DENND5A: variants seen among roughly 807,000 people sequenced by gnomAD.
The protein encoded by DENND5A is DENN domain containing 5A.
Under a neutral mutation model 140.3 loss-of-function variants are expected in DENND5A, and 64 were observed. The ratio of observed to expected loss-of-function variants is 0.46; its 90% CI spans 0.37 to 0.56. The LOEUF is 0.56. Among genes scored for constraint, DENND5A ranks in the 20% least tolerant of loss-of-function variants. DENND5A has a pLI of 0.00. For synonymous variants in DENND5A, 605 were observed against 607.7 expected (o/e 1.00, Z 0.07); for missense variants, 1,292 against 1,593.8 (o/e 0.81, Z 3.22).
chr11:9,207,693 A>G (rs1335121370), intron 1 of DENND5A, 61 bp from the exon 2 acceptor site: 2 of 1,184,050 alleles, frequency 1.7e-6, no homozygotes, highest in Non-Finnish European at 2.5e-6. Flanking sequence ...AACTTTTTTG[A>G]CCATTATTCC....
At chr11:9,260,072 G>C (rs1442038752) in intron 1 of DENND5A, among the ~76,000 whole-genome samples, 1 of 148,958 alleles carries the variant, frequency 6.7e-6, no homozygotes, top group South Asian at 2.1e-4. Context: ...TTTCAGTGTA[G>C]TCTCAATTTT....
chr11:9,145,691 A>G lies in DENND5A; in HGVS notation c.2982T>C (p.Asn994=), dbSNP rs1828876450. The G allele has an allele frequency of 8.1e-6, 13 of 1,614,092 alleles. No individual in the cohort carries two copies. Among genetic ancestry groups the G allele is most frequent in the Admixed American group, 1.7e-5 (1 of 60,006 alleles). ...GETQIMQIPR[N]VLEMTFECQN... ...ATACCTCGAAGGTCATCTCTAGCAC[A>G]TTCCTGGGAATCTGCATGATCTGTG... Residue 994 remains asparagine, a synonymous_variant, in exon 17 of 23, where the codon AAT becomes AAC. Transcript: ENST00000328194.
At chr11:9,189,675 T>C (rs1849045282) in intron 5 of DENND5A, among the ~76,000 whole-genome samples, 1 of 151,984 alleles carries the variant, frequency 6.6e-6, no homozygotes, top group Non-Finnish European at 1.5e-5. Flanking sequence ...AGTTTCACTA[T>C]TGTTGCCCAG....
At chr11:9,259,260 C>CA (rs2136304763) in intron 1 of DENND5A, among the ~76,000 whole-genome samples, 1 of 151,252 alleles carries the variant, frequency 6.6e-6, no homozygotes, top group South Asian at 2.1e-4. Context: ...AACTCCATCT[C>CA]AAAAAAATAA....
chr11:9,175,286 A>G (rs553074474), intron 8 of DENND5A: 1 of 152,322 alleles, frequency 6.6e-6, no homozygotes, highest in African/African-American at 2.4e-5. Flanking sequence ...CTTAGGGAAA[A>G]ATCTGATAAG....
chr11:9,160,685 C>T, intron 12 of DENND5A, 28 bp downstream of exon 12: 1 of 1,585,488 alleles, frequency 6.3e-7, no homozygotes, highest in South Asian at 1.1e-5. Flanking sequence ...ACAATTTGCT[C>T]AGCAATGAGA....
At chr11:9,150,337 T>G in intron 14 of DENND5A, 128 bp from the exon 15 acceptor site, 18 of 1,171,550 alleles carry the variant, frequency 1.5e-5, no homozygotes, top group Middle Eastern at 2.2e-4. Context: ...AGCCTATCTC[T>G]ATATTCTCCA....
intron 8 of DENND5A, 161 bp from the exon 9 acceptor site, chr11:9,170,938 CA>C (rs1424440438): frequency 1.1e-5 from 14 of 1,236,160 alleles, no homozygotes; most frequent in Non-Finnish European, 1.5e-5. Flanking sequence ...AAAACCCATG[CA>C]AAATAATATA....
chr11:9,150,653 G>C (rs370240733), intron 14 of DENND5A, 27 bp downstream of exon 14: 5 of 1,545,904 alleles, frequency 3.2e-6, no homozygotes, highest in Non-Finnish European at 4.4e-6. Context: ...GATTTTAGTG[G>C]CTTATTACAT....
At chr11:9,211,166 T>C (rs1849864698) in intron 1 of DENND5A, among the ~76,000 whole-genome samples, 1 of 152,138 alleles carries the variant, frequency 6.6e-6, no homozygotes. Flanking sequence ...AAACTCATAA[T>C]CTTACTAGCT....
chr11:9,206,473 T>C (rs984628723), intron 3 of DENND5A, among the ~76,000 whole-genome samples, 200 bp downstream of exon 3: 10 of 152,224 alleles, frequency 6.6e-5, no homozygotes, highest in Non-Finnish European at 1.5e-4. Flanking sequence ...AGAAACACAT[T>C]ATAACTTTTA....
In DENND5A at chr11:9,257,688, T is replaced by A. The variant is rs181347040; in HGVS notation, c.109+7273A>T. ...TAGTAGAGACAGGGTTTCACCGTGTTAGCCAGGATAGTCTCGATCTCCTGA... is the reference window on the plus strand; with the variant it reads ...TAGTAGAGACAGGGTTTCACCGTGTAAGCCAGGATAGTCTCGATCTCCTGA... On this transcript the variant is annotated intron_variant, in intron 1 of 22. Coordinates refer to ENST00000328194, the MANE Select transcript of DENND5A (RefSeq NM_015213.4). Among the ~76,000 whole-genome samples, 376 of 151,692 alleles carry A rather than the reference T, an allele frequency of 2.5e-3. 2 individuals carry two copies. Among genetic ancestry groups the A allele is most frequent in the African/African-American group, 8.5e-3 (350 of 41,390 alleles).
chr11:9,236,797 G>A (rs981573658), intron 1 of DENND5A, among the ~76,000 whole-genome samples: 1 of 151,842 alleles, frequency 6.6e-6, no homozygotes, highest in East Asian at 1.9e-4. Context: ...AGGCAGGCAG[G>A]CAAAGGATAC....
intron 10 of DENND5A, 47 bp from the exon 11 acceptor site, chr11:9,166,014 A>G: frequency 6.2e-7 from 1 of 1,602,242 alleles, no homozygotes; most frequent in Non-Finnish European, 8.5e-7. Context: ...ATGTACATAA[A>G]CCAAAGGTCA....
intron 19 of DENND5A, 143 bp downstream of exon 19, chr11:9,143,954 T>C: frequency 1.1e-6 from 1 of 921,608 alleles, no homozygotes; most frequent in Non-Finnish European, 1.7e-6. Flanking sequence ...GGGTGCCATA[T>C]GTGTGAGGTG....
chr11:9,237,668 C>G (rs1447970900), intron 1 of DENND5A, among the ~76,000 whole-genome samples: 2 of 152,124 alleles, frequency 1.3e-5, no homozygotes, highest in African/African-American at 4.8e-5. Context: ...GACAGATCAC[C>G]TGAGATCAGG....
At chr11:9,241,261 T>C (rs957602103) in intron 1 of DENND5A, among the ~76,000 whole-genome samples, 10 of 152,214 alleles carry the variant, frequency 6.6e-5, no homozygotes, top group African/African-American at 2.4e-4. Context: ...TAGCCAAAAC[T>C]GTGGTTCTCA....
At chr11:9,195,672 G>A (rs1398240907) in intron 4 of DENND5A, among the ~76,000 whole-genome samples, 1 of 152,194 alleles carries the variant, frequency 6.6e-6, no homozygotes, top group Non-Finnish European at 1.5e-5. Context: ...TAAGGTAGAA[G>A]TTTAGCAAAA....
intron 1 of DENND5A, among the ~76,000 whole-genome samples, chr11:9,246,544 G>A (rs1851479266): frequency 1.3e-5 from 2 of 151,090 alleles, no homozygotes; most frequent in Admixed American, 6.6e-5. Context: ...CCCAGGGGGT[G>A]GAGGTTACAG....
Sources: gnomAD v4.1 joint callset for allele counts (sites outside exome capture counted in the v4.1 genomes callset) on GRCh38, gnomAD v4.1.1 for gene constraint, MANE v1.5 for transcripts, NCBI Gene and HGNC (gene_info 2026-07-23, HGNC 2026-07-21) for gene names.